Variants in PLCH2 observed in about 807,000 individuals in gnomAD.
The protein encoded by PLCH2 is 1-phosphatidylinositol 4,5-bisphosphate phosphodiesterase eta-2.
In PLCH2, 98 loss-of-function variants were observed where a neutral mutation model predicts 134.7. That is an observed-to-expected ratio of 0.73 (90% CI 0.62 to 0.86). The LOEUF is 0.86. PLCH2 is among the 40% of genes least tolerant of loss of function. The probability of loss-of-function intolerance (pLI) is 0.00; values close to 1 mark genes in which losing one functional copy is unlikely to be tolerated. For missense variants in PLCH2, 1,994 were observed against 1,986.6 expected (o/e 1.00, Z -0.07); for synonymous variants, 974 against 827.5 (o/e 1.18, Z -3.04).
chr1:2,503,958 C>G lies in PLCH2; in HGVS notation c.2996C>G (p.Pro999Arg). 3 of 1,461,008 alleles carry G rather than the reference C, an allele frequency of 2.1e-6. No homozygotes were observed. The highest frequency in any genetic ancestry group is 2.8e-6 in the Non-Finnish European group (3 of 1,067,196). The allele number at this position is 1,461,008 out of a possible 1,614,324, so 90.5% of individuals were successfully genotyped here. The change falls in exon 22 of 22, where the codon CCA becomes CGA. Residue 999 changes from proline to arginine, a missense_variant. Around this residue, in one of 2 missense-constraint regions of PLCH2, gnomAD observed 900 missense variants for 752.3 expected, o/e 1.20. Coordinates refer to ENST00000378486, the MANE Select transcript of PLCH2 (RefSeq NM_014638.4). The part of the protein sequence containing the change: ...RPLSTQRPLP[P>R]LCSLETIAEE... Reference sequence around the variant, plus strand: ...CTCTCCACGCAGCGGCCACTCCCCCCACTGTGCAGCCTGGAAACCATCGCT... The same window carrying G: ...CTCTCCACGCAGCGGCCACTCCCCCGACTGTGCAGCCTGGAAACCATCGCT...
chr1:2,483,763 T>TGGGGGGCGCTGACCCCCGTG (rs1558004576), intron 4 of PLCH2, among the ~76,000 whole-genome samples: 2 of 34,446 alleles, frequency 5.8e-5, no homozygotes, highest in African/African-American at 1.0e-4. Context: ...TGACCCCCGT[T>TGGGGGGCGCTGACCCCCGTG]TGGGGGGGCG....
chr1:2,478,601 C>G lies in PLCH2; in HGVS notation c.250C>G (p.Arg84Gly). Residue 84 changes from arginine (R) to glycine (G), a missense_variant, in exon 2 of 22, where the codon CGC becomes GGC. By Grantham distance (125) the Arg-to-Gly change is moderately radical (BLOSUM62 -2). Transcript: ENST00000378486. Reference sequence around the variant, plus strand: ...CTCCTGCATCCGCTGGAGGCCCTCACGCAAGAACGAGAAGGCCAAGAGTGA... The same window carrying G: ...CTCCTGCATCCGCTGGAGGCCCTCAGGCAAGAACGAGAAGGCCAAGAGTGA... The part of the protein sequence containing the change: ...HRSCIRWRPS[R>G]KNEKAKISID... 6.2e-7 allele frequency: 1 copy of G among 1,611,104 alleles called. No individual in the cohort carries two copies. The highest frequency in any genetic ancestry group is 8.5e-7 in the Non-Finnish European group (1 of 1,179,168).
chr1:2,464,211 G>T (rs1349553203), upstream of PLCH2, among the ~76,000 whole-genome samples: 2 of 152,218 alleles, frequency 1.3e-5, no homozygotes, highest in African/African-American at 2.4e-5. Context: ...TTTCCATGGG[G>T]TTCGAGTGTT....
At chr1:2,424,236 A>C (rs1392790223), upstream of PLCH2, among the ~76,000 whole-genome samples, 3 of 152,204 alleles carry the variant, frequency 2.0e-5, no homozygotes, top group Non-Finnish European at 2.9e-5. Context: ...ATGTACTCTT[A>C]GCAGTTTTGA....
At chr1:2,497,455 C>A in intron 15 of PLCH2, 47 bp from the exon 16 acceptor site, 2 of 1,380,308 alleles carry the variant, frequency 1.4e-6, no homozygotes, top group Admixed American at 2.0e-5. Context: ...GGGCACACAC[C>A]TGGAAGGTCA....
Position 2,439,131 on chromosome 1 carries a change from G to A in PLCH2, c.115+8502G>A, listed in dbSNP as rs186383771. On this transcript the variant is annotated intron_variant, in intron 2 of 3. Transcript: ENST00000609981. This position sits in a 1 kb window ranked among gnomAD's most constrained non-coding sequence, Gnocchi z 4.7. Reference sequence around the variant, plus strand: ...TTCAAGGCAGGATACCATGTCTCTGGGGACCCTGGGCAGGTGCCTTTCTCT... The same window carrying A: ...TTCAAGGCAGGATACCATGTCTCTGAGGACCCTGGGCAGGTGCCTTTCTCT... Among the ~76,000 whole-genome samples, 5 of 152,314 alleles carry A rather than the reference G, an allele frequency of 3.3e-5. No homozygotes were observed. The highest frequency in any genetic ancestry group is 1.2e-4 in the African/African-American group (5 of 41,562).
rs1016823592 is a variant in PLCH2 at position 2,504,914 on chromosome 1, C to T, written c.3952C>T (p.Pro1318Ser). 6.3e-7 allele frequency: 1 copy of T among 1,578,630 alleles called. No individual in the cohort carries two copies. Among genetic ancestry groups the T allele is most frequent in the Non-Finnish European group, 8.6e-7 (1 of 1,161,648 alleles). ...CCAGCAGGCAGGAGACATCACGTCA[C>T]CCACCAGCCTGGGCCCGGCTGGGGA... ...VFQQAGDITS[P>S]TSLGPAGEGV... The change falls in exon 22 of 22, where the codon CCC becomes TCC. Residue 1318 changes from proline to serine, a missense_variant. Around this residue, in one of 2 missense-constraint regions of PLCH2, gnomAD observed 900 missense variants for 752.3 expected, o/e 1.20. Coordinates refer to ENST00000378486, the MANE Select transcript of PLCH2 (RefSeq NM_014638.4).
At chr1:2,424,373 C>T (rs983693549), upstream of PLCH2, among the ~76,000 whole-genome samples, 1 of 152,126 alleles carries the variant, frequency 6.6e-6, no homozygotes, top group Non-Finnish European at 1.5e-5. Context: ...CATCATCTCC[C>T]CATTCCCCAA....
chr1:2,502,477 C>T (rs1417044367), intron 21 of PLCH2, 68 bp downstream of exon 21: 1 of 1,448,556 alleles, frequency 6.9e-7, no homozygotes, highest in Non-Finnish European at 9.5e-7. Context: ...TCCTGGACGG[C>T]CCCGGGCCTG....
chr1:2,477,187 G>A (rs1641678934), intron 1 of PLCH2, among the ~76,000 whole-genome samples: 1 of 152,138 alleles, frequency 6.6e-6, no homozygotes, highest in Non-Finnish European at 1.5e-5. Flanking sequence ...CCCCGGTCCG[G>A]GCTGGCCTGC....
At position 2,494,882 on chromosome 1, in the gene PLCH2, TG is replaced by T; in HGVS notation, c.1690del (p.Glu564ArgfsTer27). 1 of 1,607,062 alleles carries T rather than the reference TG, an allele frequency of 6.2e-7. No individual in the cohort carries two copies. On this transcript the variant is annotated frameshift_variant, in exon 12 of 22. Coordinates refer to ENST00000378486, the MANE Select transcript of PLCH2 (RefSeq NM_014638.4). LOFTEE classifies it high-confidence loss of function. ...KSKAEEDVES[G>X]EDAGASRRNG... ...GCAAGGCTGAAGAGGACGTGGAGTCTGGGGAGGATGCCGGGGCCAGCAGACG... is the reference window on the plus strand; with the variant it reads ...GCAAGGCTGAAGAGGACGTGGAGTCTGGGAGGATGCCGGGGCCAGCAGACG...
At position 2,504,912 on chromosome 1, in the gene PLCH2, C is replaced by T. The variant is rs776806104; in HGVS notation, c.3950C>T (p.Ser1317Leu). The change falls in exon 22 of 22, where the codon TCA becomes TTA. Residue 1317 changes from serine to leucine, a missense_variant. Around this residue, in one of 2 missense-constraint regions of PLCH2, gnomAD observed 900 missense variants for 752.3 expected, o/e 1.20. Transcript: ENST00000378486. Reference sequence around the variant, plus strand: ...TTCCAGCAGGCAGGAGACATCACGTCACCCACCAGCCTGGGCCCGGCTGGG... The same window carrying T: ...TTCCAGCAGGCAGGAGACATCACGTTACCCACCAGCCTGGGCCCGGCTGGG... ...TVFQQAGDIT[S>L]PTSLGPAGEG... The T allele has an allele frequency of 1.8e-5, 29 of 1,579,080 alleles. No individual in the cohort carries two copies. The African/African-American group carries it at 3.1e-4, about 17-fold the overall frequency.
chr1:2,471,058 C>T (rs924390667), intron 1 of PLCH2, among the ~76,000 whole-genome samples: 2 of 150,748 alleles, frequency 1.3e-5, no homozygotes, highest in African/African-American at 4.9e-5. Context: ...GGGGCACTCG[C>T]GGTGGGGGGA....
chr1:2,505,016 C>T lies in PLCH2; in HGVS notation c.4054C>T (p.Arg1352Trp), dbSNP rs748068324. ...CAGCCGCGTGCGTGCCATTGCCAGC[C>T]GGGCCCGCCAGGCCCAGGAGCGGCA... is the stretch of plus-strand genomic sequence containing the variant. ...SHSRVRAIAS[R>W]ARQAQERQQR... The change falls in exon 22 of 22, where the codon CGG becomes TGG. Residue 1352 changes from arginine (R) to tryptophan (W), a missense_variant. Physicochemically the swap from Arg to Trp is moderately radical, Grantham distance 101. Coordinates refer to ENST00000378486, the MANE Select transcript of PLCH2 (RefSeq NM_014638.4). 4.3e-5 allele frequency: 66 copies of T among 1,542,158 alleles called. No individual in the cohort carries two copies. Among genetic ancestry groups the T allele is most frequent in the South Asian group, 3.3e-4 (28 of 84,386 alleles).
At position 2,447,257 on chromosome 1, in the gene PLCH2, G is replaced by A. The variant is rs552939648; in HGVS notation, c.115+16628G>A. Among the ~76,000 whole-genome samples, 11 of 152,314 alleles carry A rather than the reference G, an allele frequency of 7.2e-5. No homozygotes were observed. In the East Asian group the frequency reaches 2.1e-3, roughly 29 times the overall value. ...GGGTGGCTGCAGGGTGGGGCCCCAA[G>A]TCTGTGGGGGGAGGCCCATTTGCTC... On this transcript the variant is annotated intron_variant, in intron 2 of 3. Transcript: ENST00000609981.
At chr1:2,438,759 C>T (rs953342783) in intron 2 of PLCH2, among the ~76,000 whole-genome samples, 2 of 152,220 alleles carry the variant, frequency 1.3e-5, no homozygotes, top group Non-Finnish European at 2.9e-5. Flanking sequence ...CTGGGAGCAC[C>T]CCCCGTCCCG....
chr1:2,435,686 G>A (rs1035110847), intron 2 of PLCH2, among the ~76,000 whole-genome samples: 1 of 152,108 alleles, frequency 6.6e-6, no homozygotes, highest in African/African-American at 2.4e-5. Context: ...TCCAGGAGGG[G>A]AGACTGGGTT....
chr1:2,456,643 C>T lies in PLCH2; in HGVS notation c.116-21833C>T, dbSNP rs537320398. On this transcript the variant is annotated intron_variant, in intron 2 of 3. Coordinates refer to the PLCH2 transcript ENST00000609981. ...GCTGGAGCTGGTGAGACGCGGCCTCCGTCGGCTTCCTGCCATGGCTGTAAC... is the reference window on the plus strand; with the variant it reads ...GCTGGAGCTGGTGAGACGCGGCCTCTGTCGGCTTCCTGCCATGGCTGTAAC... 1.7e-3 allele frequency among the ~76,000 whole-genome samples: 252 copies of T among 152,286 alleles called. 4 individuals carry two copies. The highest frequency in any genetic ancestry group is 2.9e-3 in the East Asian group (15 of 5,170).
rs1008220382 is a variant in PLCH2, at chr1:2,502,438, G to A, written c.2959+29G>A. On this transcript the variant is annotated intron_variant, in intron 21 of 21. Transcript: ENST00000378486. ...AGGCGCCAGCTGCGGTGGCAGAGAA[G>A]AGCCCTGTGCGAGTGCGGCCCCCGC... The A allele has an allele frequency of 1.9e-6, 3 of 1,543,124 alleles. No individual in the cohort carries two copies. The East Asian group carries it at 7.3e-5, about 38-fold the overall frequency.
Sources: gnomAD v4.1 joint callset for allele counts (sites outside exome capture counted in the v4.1 genomes callset) on GRCh38, gnomAD v4.1.1 for gene constraint, gnomAD v4.1.1 regional missense constraint, Gnocchi (gnomAD v3.1) non-coding constraint, MANE v1.5 for transcripts, NCBI Gene and HGNC (gene_info 2026-07-23, HGNC 2026-07-21) for gene names.